DPP6: variants seen among roughly 807,000 people sequenced by gnomAD.
The protein encoded by DPP6 is dipeptidyl peptidase like 6, also known as A-type potassium channel modulatory protein DPP6.
A neutral mutation model predicts 122.6 loss-of-function variants in DPP6; 69 were observed. The ratio of observed to expected loss-of-function variants is 0.56; its 90% CI spans 0.46 to 0.69. The LOEUF (loss-of-function observed/expected upper bound fraction) is 0.69. Ranked by LOEUF, DPP6 falls within the 30% of genes least tolerant of loss-of-function variation. The pLI is 0.00. For missense variants in DPP6, 928 were observed against 1,116.9 expected (o/e 0.83, Z 2.41); for synonymous variants, 418 against 433.1 (o/e 0.97, Z 0.43).
chr7:154,541,983 T>C (rs549624365), intron 4 of DPP6, among the ~76,000 whole-genome samples: 1 of 152,338 alleles, frequency 6.6e-6, no homozygotes, highest in South Asian at 2.1e-4. Context: ...AGAAATGCTG[T>C]GCTGCCTTCT....
At chr7:154,504,797 GT>G (rs34729018) in intron 3 of DPP6, among the ~76,000 whole-genome samples, 2,062 of 142,790 alleles carry the variant, frequency 0.014, 29 homozygotes, top group African/African-American at 0.044. Context: ...GTATCAGGGT[GT>G]TTTTTTTTTT....
At chr7:153,990,657 G>C (rs1347219385) in intron 1 of DPP6, among the ~76,000 whole-genome samples, 3 of 151,944 alleles carry the variant, frequency 2.0e-5, no homozygotes, top group Admixed American at 2.0e-4. Context: ...CAGGTGCATT[G>C]CTCTTGTTTT....
At chr7:154,477,242 C>T (rs1003056941) in intron 3 of DPP6, among the ~76,000 whole-genome samples, 6 of 152,068 alleles carry the variant, frequency 3.9e-5, no homozygotes, top group Non-Finnish European at 8.8e-5. Flanking sequence ...CACCACCCAC[C>T]ACCATGATCT....
rs564410538 is a variant in DPP6 at position 154,162,206 on chromosome 7, A to C, written c.243+109143A>C. On this transcript the variant is annotated intron_variant, in intron 1 of 25. Transcript: ENST00000377770. ...GGTGTTGGCCCGGGAACCCGCACTG[A>C]CCAGCCTGTGGCCAGGGCCTCATCT... Among the ~76,000 whole-genome samples the C allele has an allele frequency of 4.0e-5, 6 of 151,364 alleles. No homozygotes were observed. The South Asian group carries it at 1.3e-3, about 32-fold the overall frequency.
intron 8 of DPP6, among the ~76,000 whole-genome samples, chr7:154,739,800 T>A (rs1411524362): frequency 6.6e-6 from 1 of 152,180 alleles, no homozygotes; most frequent in Non-Finnish European, 1.5e-5. Flanking sequence ...CAGTTCCCAA[T>A]GCACAGCCCT....
intron 1 of DPP6, among the ~76,000 whole-genome samples, chr7:153,935,570 A>T (rs1301338672): frequency 6.6e-6 from 1 of 152,184 alleles, no homozygotes; most frequent in Non-Finnish European, 1.5e-5. Flanking sequence ...AGCACAGTGC[A>T]TGGTACATAA....
chr7:154,235,934 C>T (rs1046101296), intron 1 of DPP6, among the ~76,000 whole-genome samples: 1 of 152,192 alleles, frequency 6.6e-6, no homozygotes, highest in Non-Finnish European at 1.5e-5. Context: ...CTCACTACAG[C>T]CTCTGTCTCC....
chr7:154,606,093 C>A (rs1339532742), intron 5 of DPP6, among the ~76,000 whole-genome samples: 1 of 119,824 alleles, frequency 8.3e-6, no homozygotes, highest in African/African-American at 2.6e-5. Context: ...TGTATTTGAT[C>A]AATTTTCATG....
intron 1 of DPP6, among the ~76,000 whole-genome samples, chr7:154,359,171 T>G (rs1180329652): frequency 6.6e-6 from 1 of 152,168 alleles, no homozygotes; most frequent in Non-Finnish European, 1.5e-5. Flanking sequence ...GAGGGAGTCC[T>G]TGGTGCACTC....
chr7:154,072,607 T>C (rs1305315719), intron 1 of DPP6, among the ~76,000 whole-genome samples: 1 of 152,306 alleles, frequency 6.6e-6, no homozygotes. Flanking sequence ...AGCAGGTAGC[T>C]GCCTACCCTG....
At chr7:154,044,597 T>A (rs1047805306) in intron 1 of DPP6, among the ~76,000 whole-genome samples, 2 of 152,240 alleles carry the variant, frequency 1.3e-5, no homozygotes, top group Admixed American at 1.3e-4. Context: ...GCTACCGATC[T>A]ACCTAAAGTA....
intron 2 of DPP6, among the ~76,000 whole-genome samples, chr7:154,453,021 A>T (rs1295675725): frequency 6.6e-6 from 1 of 152,176 alleles, no homozygotes; most frequent in Non-Finnish European, 1.5e-5. Flanking sequence ...AATATTAAAT[A>T]TGTATCTGTC....
chr7:154,768,846 C>G (rs535710066), intron 8 of DPP6, among the ~76,000 whole-genome samples: 1 of 152,172 alleles, frequency 6.6e-6, no homozygotes, highest in South Asian at 2.1e-4. Context: ...AGAAGCCACA[C>G]AGAGTGAGCT....
At chr7:154,081,287 A>T (rs1803987498) in intron 1 of DPP6, among the ~76,000 whole-genome samples, 1 of 149,160 alleles carries the variant, frequency 6.7e-6, no homozygotes, top group Non-Finnish European at 1.5e-5. Flanking sequence ...TTTCCTATGC[A>T]CTGTGATCAG....
intron 1 of DPP6, among the ~76,000 whole-genome samples, chr7:154,246,041 A>C (rs938373308): frequency 6.6e-6 from 1 of 152,212 alleles, no homozygotes; most frequent in Non-Finnish European, 1.5e-5. Context: ...TTAAATCTTA[A>C]AGATTATGTC....
At chr7:154,106,793 C>A (rs901041585) in intron 1 of DPP6, among the ~76,000 whole-genome samples, 1 of 151,994 alleles carries the variant, frequency 6.6e-6, no homozygotes, top group Non-Finnish European at 1.5e-5. Context: ...AAGTTGAGAC[C>A]CATGTGGGGA....
At chr7:154,815,438 ACATAATTTGTGTTT>A (rs1320448189) in intron 16 of DPP6, among the ~76,000 whole-genome samples, 20 of 152,384 alleles carry the variant, frequency 1.3e-4, no homozygotes, top group African/African-American at 4.1e-4. Context: ...TGCCCAATTT[ACATAATTTGTGTTT>A]CACAGTCCTC....
intron 6 of DPP6, among the ~76,000 whole-genome samples, chr7:154,639,713 A>C (rs1835945811): frequency 6.6e-6 from 1 of 152,188 alleles, no homozygotes; most frequent in African/African-American, 2.4e-5. Flanking sequence ...GAGCCTGGTG[A>C]TGATCTGCCT....
At chr7:154,503,727 G>T (rs1010763288) in intron 3 of DPP6, among the ~76,000 whole-genome samples, 4 of 152,238 alleles carry the variant, frequency 2.6e-5, no homozygotes, top group Middle Eastern at 3.4e-3. Context: ...ATTTTTTGGG[G>T]TAAGGAAACT....
Sources: gnomAD v4.1 joint callset for allele counts (sites outside exome capture counted in the v4.1 genomes callset) on GRCh38, gnomAD v4.1.1 for gene constraint, MANE v1.5 for transcripts, NCBI Gene and HGNC (gene_info 2026-07-23, HGNC 2026-07-21) for gene names.